The following BNC2 variants were observed in gnomAD, a reference collection of about 807,000 sequenced individuals.
BNC2 encodes zinc finger protein basonuclin-2.
BNC2 carries 20 observed loss-of-function variants against 76.3 expected under a neutral mutation model. The observed-to-expected ratio is 0.26, with a 90% CI of 0.18 to 0.38. The LOEUF (loss-of-function observed/expected upper bound fraction) is 0.38, where lower values mean the gene tolerates loss of function less well. BNC2 is among the 10% of genes least tolerant of loss of function. The pLI, the probability that BNC2 is intolerant of heterozygous loss-of-function variation, is 1.00. For synonymous variants in BNC2, 582 were observed against 514.8 expected (o/e 1.13, Z -1.77); for missense variants, 1,382 against 1,399.8 (o/e 0.99, Z 0.20).
chr9:16,622,860 C>T (rs913358631), intron 3 of BNC2, among the ~76,000 whole-genome samples: 4 of 151,960 alleles, frequency 2.6e-5, no homozygotes, highest in Non-Finnish European at 1.5e-5. Context: ...AATTTAAGTG[C>T]TTAATTATAT....
chr9:16,524,517 A>C (rs1817731464), intron 5 of BNC2, among the ~76,000 whole-genome samples: 1 of 151,880 alleles, frequency 6.6e-6, no homozygotes, highest in African/African-American at 2.4e-5. Context: ...GTGATTTCTT[A>C]TTCTAAATAC....
At chr9:16,435,277 C>A (rs1351014731) in intron 6 of BNC2, among the ~76,000 whole-genome samples, 1 of 152,134 alleles carries the variant, frequency 6.6e-6, no homozygotes, top group East Asian at 1.9e-4. Context: ...CACCTAGATG[C>A]ATGAAAACAC....
At chr9:16,438,014 G>T (rs570495100) in intron 5 of BNC2, among the ~76,000 whole-genome samples, 6 of 152,180 alleles carry the variant, frequency 3.9e-5, no homozygotes, top group African/African-American at 1.4e-4. Context: ...TGGATTCAAT[G>T]ATGAAAATTC....
chr9:16,696,460 G>A (rs770306538), intron 3 of BNC2, among the ~76,000 whole-genome samples: 1 of 152,096 alleles, frequency 6.6e-6, no homozygotes, highest in Non-Finnish European at 1.5e-5. Flanking sequence ...ATTTCCTGAT[G>A]CCACTTCTTC....
chr9:16,836,317 T>C (rs1221976096), intron 1 of BNC2, among the ~76,000 whole-genome samples: 1 of 152,146 alleles, frequency 6.6e-6, no homozygotes, highest in Admixed American at 6.5e-5. Flanking sequence ...GGTCGTTTTT[T>C]TAGGGTATAA....
intron 1 of BNC2, among the ~76,000 whole-genome samples, chr9:16,778,352 A>C (rs995313600): frequency 5.9e-5 from 9 of 152,204 alleles, no homozygotes; most frequent in Admixed American, 5.2e-4. Flanking sequence ...CAGAGTCTTC[A>C]TGAAAACAGG....
chr9:16,630,797 C>T (rs940426619), intron 3 of BNC2, among the ~76,000 whole-genome samples: 4 of 143,250 alleles, frequency 2.8e-5, no homozygotes, highest in African/African-American at 8.2e-5. Context: ...TGGAGGGCAA[C>T]GGTGCGATCT....
chr9:16,837,558 G>T (rs543669182), intron 1 of BNC2, among the ~76,000 whole-genome samples: 1 of 152,298 alleles, frequency 6.6e-6, no homozygotes, highest in Admixed American at 6.5e-5. Context: ...GTCCTTGGTA[G>T]ACTGCCAAGT....
At chr9:16,835,039 G>A (rs1488952902) in intron 1 of BNC2, among the ~76,000 whole-genome samples, 1 of 152,150 alleles carries the variant, frequency 6.6e-6, no homozygotes, top group East Asian at 1.9e-4. Flanking sequence ...TTCACTTATA[G>A]TGGCTTCATT....
rs1822197205 is a variant in BNC2 at position 16,487,857 on chromosome 9, A to T, written c.670-50333T>A. Among the ~76,000 whole-genome samples the T allele has an allele frequency of 2.6e-5, 4 of 152,232 alleles. No individual in the cohort carries two copies. The South Asian group carries it at 8.3e-4, about 31-fold the overall frequency. On this transcript the variant is annotated intron_variant, in intron 5 of 6. Coordinates refer to ENST00000380672, the MANE Select transcript of BNC2 (RefSeq NM_017637.6). ...TCGAATGTCTGTGTGGTCTTTCCTA[A>T]TGCAGGATCAGTAAGCAACCCATGA...
At chr9:16,463,604 G>C (rs536943504) in intron 5 of BNC2, among the ~76,000 whole-genome samples, 1 of 152,076 alleles carries the variant, frequency 6.6e-6, no homozygotes, top group South Asian at 2.1e-4. Flanking sequence ...CCAAATTCTT[G>C]ACTAATCTAT....
At chr9:16,660,853 G>A (rs993513345) in intron 3 of BNC2, among the ~76,000 whole-genome samples, 3 of 152,126 alleles carry the variant, frequency 2.0e-5, no homozygotes, top group East Asian at 1.9e-4. Context: ...ACTATGTATT[G>A]TAAGTAATAT....
intron 1 of BNC2, among the ~76,000 whole-genome samples, chr9:16,769,045 G>A (rs1354937401): frequency 6.6e-6 from 1 of 152,166 alleles, no homozygotes; most frequent in Non-Finnish European, 1.5e-5. Context: ...AATGGAAGAG[G>A]ATTAGGCAAC....
intron 5 of BNC2, among the ~76,000 whole-genome samples, chr9:16,463,488 G>T (rs1821633349): frequency 7.0e-6 from 1 of 142,926 alleles, no homozygotes; most frequent in Non-Finnish European, 1.5e-5. Context: ...AGTAGAGACG[G>T]GGTTTCACCG....
At chr9:16,469,193 AGT>A (rs201739499) in intron 5 of BNC2, among the ~76,000 whole-genome samples, 73,886 of 151,964 alleles carry the variant, frequency 0.49, 18,466 homozygotes, top group African/African-American at 0.6. Context: ...GCTCAGAAAA[AGT>A]GAACATGCTC....
intron 5 of BNC2, among the ~76,000 whole-genome samples, chr9:16,528,152 C>T (rs1817868865): frequency 6.6e-6 from 1 of 152,108 alleles, no homozygotes; most frequent in South Asian, 2.1e-4. Flanking sequence ...GAGGTTTGGT[C>T]TTTACAATTT....
intron 1 of BNC2, among the ~76,000 whole-genome samples, chr9:16,801,439 T>C (rs1817775845): frequency 6.6e-6 from 1 of 151,514 alleles, no homozygotes; most frequent in Non-Finnish European, 1.5e-5. Flanking sequence ...GGTTTCACCA[T>C]CTTGGCCAGG....
At chr9:16,605,783 TC>T (rs372129204) in intron 3 of BNC2, among the ~76,000 whole-genome samples, 31 of 142,468 alleles carry the variant, frequency 2.2e-4, no homozygotes, top group African/African-American at 6.9e-4. Flanking sequence ...TTTCAAGAAT[TC>T]TTTTTTTTTT....
At chr9:16,726,559 T>TAAAAAAAA (rs35579154) in intron 3 of BNC2, among the ~76,000 whole-genome samples, 1 of 102,412 alleles carries the variant, frequency 9.8e-6, no homozygotes, top group East Asian at 2.1e-4. Context: ...AAAAGCTTTT[T>TAAAAAAAA]AAAAAAAAAA....
Sources: gnomAD v4.1 joint callset for allele counts (sites outside exome capture counted in the v4.1 genomes callset) on GRCh38, gnomAD v4.1.1 for gene constraint, MANE v1.5 for transcripts, NCBI Gene and HGNC (gene_info 2026-07-23, HGNC 2026-07-21) for gene names.